MAK: variants seen among roughly 807,000 people sequenced by gnomAD.
MAK encodes male germ cell associated kinase.
In MAK, 65 loss-of-function variants were observed where a neutral mutation model predicts 82.6. The observed-to-expected ratio is 0.79, with a 90% confidence interval of 0.64 to 0.97. The LOEUF is 0.97. Ranked by LOEUF, MAK falls within the 50% of genes least tolerant of loss-of-function variation. The pLI, the probability that MAK is intolerant of heterozygous loss-of-function variation, is 0.00. For synonymous variants in MAK, 250 were observed against 274.2 expected (o/e 0.91, Z 0.87); for missense variants, 703 against 780.2 (o/e 0.90, Z 1.18).
chr6:10,790,249 GTTATCCAAGCAAAAAAAGAA>G (rs1283916706), intron 10 of MAK, among the ~76,000 whole-genome samples: 1 of 152,042 alleles, frequency 6.6e-6, no homozygotes, highest in Non-Finnish European at 1.5e-5. Flanking sequence ...TTGCATAAGA[GTTATCCAAGCAAAAAAAGAA>G]TTATCCAAGC....
chr6:10,764,233 A>G lies in MAK; in HGVS notation c.*219T>C. 1.8e-6 allele frequency: 1 copy of G among 545,574 alleles called. No individual in the cohort carries two copies. Among genetic ancestry groups the G allele is most frequent in the South Asian group, 2.4e-5 (1 of 41,220 alleles). The allele number at this position is 545,574 out of a possible 1,614,324, so 33.8% of individuals were successfully genotyped here. A position where few individuals can be genotyped will look rare whatever the true frequency, so the allele number is the denominator to read the frequency against. On this transcript the variant is annotated 3_prime_UTR_variant, in exon 15 of 15. Transcript: ENST00000354489. ...CAAATAGTTTATTCAATACTTTGTA[A>G]CATCCTACCCATATATCAACACTGT...
Position 10,803,785 on chromosome 6 carries a change from A to C in MAK, c.598T>G (p.Phe200Val). 6.2e-7 allele frequency: 1 copy of C among 1,614,076 alleles called. No individual in the cohort carries two copies. Among genetic ancestry groups the C allele is most frequent in the Non-Finnish European group, 8.5e-7 (1 of 1,179,954 alleles). ...TCATCGACCTCACTTGTCCCTGGGA[A>C]AAGTGGCCTTAACATATAGAGTTCA... ...MAELYMLRPL[F>V]PGTSEVDEIF... The change falls in exon 7 of 15, where the codon TTC (phenylalanine) becomes GTC (valine). Residue 200 changes from phenylalanine (F) to valine (V), a missense_variant. Coordinates refer to ENST00000354489, the MANE Select transcript of MAK (RefSeq NM_001242957.3).
intron 1 of MAK, among the ~76,000 whole-genome samples, chr6:10,835,913 G>A (rs1190567016): frequency 6.6e-6 from 1 of 152,208 alleles, no homozygotes; most frequent in African/African-American, 2.4e-5. Context: ...CCGCCCTGGG[G>A]TGGGAGGGTG....
At chr6:10,773,180 G>T in intron 12 of MAK, 72 bp from the exon 13 acceptor site, 1 of 795,636 alleles carries the variant, frequency 1.3e-6, no homozygotes, top group Middle Eastern at 2.9e-4. Context: ...AGAAAAAATG[G>T]ATTAGATGAT....
chr6:10,784,349 T>C lies in MAK; in HGVS notation c.1465+75A>G. 4 of 1,533,700 alleles carry C rather than the reference T, an allele frequency of 2.6e-6. No individual in the cohort carries two copies. In the South Asian group the frequency reaches 4.5e-5, roughly 17 times the overall value. ...TTTTGCTTCACTGCTGCCCTTTCTTTGGAGATTCCAAGACACTTGAACCTG... is the reference window on the plus strand; with the variant it reads ...TTTTGCTTCACTGCTGCCCTTTCTTCGGAGATTCCAAGACACTTGAACCTG... On this transcript the variant is annotated intron_variant, in intron 11 of 14. Coordinates refer to ENST00000354489, the MANE Select transcript of MAK (RefSeq NM_001242957.3).
At chr6:10,834,101 G>T (rs577991773) in intron 1 of MAK, among the ~76,000 whole-genome samples, 26 of 152,154 alleles carry the variant, frequency 1.7e-4, no homozygotes, top group African/African-American at 6.0e-4. Flanking sequence ...TCTCATTTAG[G>T]ATTTTATTAA....
chr6:10,773,257 T>G (rs1168279353), intron 12 of MAK, 149 bp from the exon 13 acceptor site: 2 of 524,552 alleles, frequency 3.8e-6, no homozygotes, highest in Non-Finnish European at 6.8e-6. Context: ...ACAGCATTTA[T>G]TTGATGCCAA....
chr6:10,829,237 A>C (rs1342903990), intron 2 of MAK: 1 of 152,266 alleles, frequency 6.6e-6, no homozygotes, highest in Non-Finnish European at 1.5e-5. Context: ...GTTATGCAGC[A>C]ATAGATAAAC....
chr6:10,774,548 ACT>A (rs918691339), intron 12 of MAK, among the ~76,000 whole-genome samples: 2 of 152,058 alleles, frequency 1.3e-5, no homozygotes, highest in African/African-American at 4.8e-5. Flanking sequence ...TAGCTTTGCC[ACT>A]CTATTCTTCA....
chr6:10,818,131 T>C (rs965852358), intron 3 of MAK, among the ~76,000 whole-genome samples, 160 bp from the exon 4 acceptor site: 14 of 152,270 alleles, frequency 9.2e-5, no homozygotes, highest in African/African-American at 3.4e-4. Context: ...TTGCTTTAAG[T>C]AATGAACGTT....
intron 5 of MAK, among the ~76,000 whole-genome samples, chr6:10,813,009 C>A (rs949858916): frequency 7.1e-6 from 1 of 140,646 alleles, no homozygotes; most frequent in African/African-American, 2.6e-5. Context: ...AGGTGATCCC[C>A]CCCCCCGCCT....
chr6:10,813,406 T>G (rs1777216565), intron 5 of MAK, among the ~76,000 whole-genome samples: 1 of 150,820 alleles, frequency 6.6e-6, no homozygotes. Flanking sequence ...CCGCCTGCCT[T>G]GGCCTCCCAA....
rs1361968964 is a variant in MAK, at chr6:10,808,831, G to C, written c.470C>G (p.Thr157Ser). The change falls in exon 6 of 15, where the codon ACT becomes AGT. Residue 157 changes from threonine to serine, a missense_variant. By Grantham distance (58) the Thr-to-Ser change is moderately conservative. Coordinates refer to ENST00000354489, the MANE Select transcript of MAK (RefSeq NM_001242957.3). ...ARELRSQPPYTDYVSTRWYRA... is the reference protein window; with the variant it reads ...ARELRSQPPYSDYVSTRWYRA... ...TCACCATCTGGTAGATACATAATCA[G>C]TGTATGGTGGCTGTGACCTTAATTC... 1.9e-6 allele frequency: 3 copies of C among 1,613,952 alleles called. No homozygotes were observed.
In MAK at chr6:10,796,226, CTTAT is replaced by C. The variant is rs1775546363; in HGVS notation, c.911_914del (p.Asn304SerfsTer6). 1.2e-6 allele frequency: 2 copies of C among 1,614,116 alleles called. No homozygotes were observed. Among genetic ancestry groups the C allele is most frequent in the Non-Finnish European group, 8.5e-7 (1 of 1,180,008 alleles). On this transcript the variant is annotated frameshift_variant, in exon 9 of 15. Coordinates refer to ENST00000354489, the MANE Select transcript of MAK (RefSeq NM_001242957.3). LOFTEE classifies it high-confidence loss of function. ...GCTTTGATTCTAATGGTTGCAGCTG[CTTAT>C]TTAAAGACTGTTTTGATTCCAGATG...
intron 2 of MAK, among the ~76,000 whole-genome samples, chr6:10,828,556 T>A (rs529829532): frequency 1.1e-4 from 16 of 152,178 alleles, no homozygotes; most frequent in Non-Finnish European, 2.1e-4. Flanking sequence ...GTCTTTCAGG[T>A]AGGCCCAAAT....
chr6:10,808,043 G>A (rs1776629350), intron 6 of MAK, among the ~76,000 whole-genome samples: 1 of 151,958 alleles, frequency 6.6e-6, no homozygotes, highest in Admixed American at 6.6e-5. Flanking sequence ...ACTCCAGCCT[G>A]GGCGAGAGAG....
chr6:10,792,444 T>G (rs967599515), intron 9 of MAK, among the ~76,000 whole-genome samples: 1 of 152,200 alleles, frequency 6.6e-6, no homozygotes, highest in Non-Finnish European at 1.5e-5. Flanking sequence ...CAATCCCTAT[T>G]GTTTAAGCCA....
At chr6:10,805,586 A>C (rs1024462957) in intron 6 of MAK, among the ~76,000 whole-genome samples, 6 of 151,886 alleles carry the variant, frequency 4.0e-5, no homozygotes, top group African/African-American at 1.4e-4. Context: ...AAAAAAAAAA[A>C]AGAAGTTTGG....
At chr6:10,787,433 C>T (rs1774666471) in intron 10 of MAK, among the ~76,000 whole-genome samples, 1 of 152,144 alleles carries the variant, frequency 6.6e-6, no homozygotes, top group African/African-American at 2.4e-5. Flanking sequence ...GATATTTTTA[C>T]TGAAGTATGA....
Sources: gnomAD v4.1 joint callset for allele counts (sites outside exome capture counted in the v4.1 genomes callset) on GRCh38, gnomAD v4.1.1 for gene constraint, MANE v1.5 for transcripts, NCBI Gene and HGNC (gene_info 2026-07-23, HGNC 2026-07-21) for gene names.